Variants in ADAMTSL1 observed in about 807,000 individuals in gnomAD.
ADAMTSL1 encodes the protein ADAMTS-like protein 1.
In ADAMTSL1, 126 loss-of-function variants were observed where a neutral mutation model predicts 201.8. That is an observed-to-expected ratio of 0.62 (90% CI 0.54 to 0.72). ADAMTSL1 has a LOEUF of 0.72. ADAMTSL1 is among the 30% of genes least tolerant of loss of function. ADAMTSL1 has a pLI of 0.00. For missense variants in ADAMTSL1, 2,679 were observed against 2,277.8 expected (o/e 1.18, Z -3.59); for synonymous variants, 1,121 against 903.4 (o/e 1.24, Z -4.32).
At chr9:18,498,635 C>T (rs1321649214) in intron 1 of ADAMTSL1, among the ~76,000 whole-genome samples, 3 of 152,090 alleles carry the variant, frequency 2.0e-5, no homozygotes, top group Non-Finnish European at 2.9e-5. Flanking sequence ...GGCCAATGTT[C>T]CCATTTTACA....
intron 2 of ADAMTSL1, among the ~76,000 whole-genome samples, chr9:18,531,329 C>T (rs998959453): frequency 1.3e-5 from 2 of 152,174 alleles, no homozygotes; most frequent in East Asian, 1.9e-4. Flanking sequence ...GAATAATCAT[C>T]GGTATCAGTA....
chr9:18,170,077 C>A (rs933994489), intron 2 of ADAMTSL1, among the ~76,000 whole-genome samples: 7 of 151,530 alleles, frequency 4.6e-5, no homozygotes, highest in African/African-American at 1.5e-4. Flanking sequence ...TTTGTAAAAT[C>A]TGTTACCCTG....
intron 1 of ADAMTSL1, among the ~76,000 whole-genome samples, chr9:18,129,767 G>C (rs951930806): frequency 1.1e-4 from 16 of 152,188 alleles, no homozygotes; most frequent in African/African-American, 3.6e-4. Context: ...GTAACGCTGA[G>C]AGTCAGAACT....
intron 1 of ADAMTSL1, among the ~76,000 whole-genome samples, chr9:17,977,595 G>A (rs748854324): frequency 6.6e-6 from 1 of 151,920 alleles, no homozygotes; most frequent in Non-Finnish European, 1.5e-5. Context: ...GTTGTTCATA[G>A]TAGTCCCTTA....
chr9:18,361,171 A>T (rs914974072), intron 2 of ADAMTSL1, among the ~76,000 whole-genome samples: 20 of 152,282 alleles, frequency 1.3e-4, no homozygotes, highest in African/African-American at 4.8e-4. Flanking sequence ...ATAGCATGAG[A>T]AAAAACAAAA....
chr9:18,474,851 A>C (rs1429371489), intron 1 of ADAMTSL1, among the ~76,000 whole-genome samples: 1 of 152,230 alleles, frequency 6.6e-6, no homozygotes, highest in Non-Finnish European at 1.5e-5. Flanking sequence ...GCTAGGATTT[A>C]TGAATTGAGG....
chr9:17,928,950 A>G (rs1826665199), intron 1 of ADAMTSL1, among the ~76,000 whole-genome samples: 1 of 152,064 alleles, frequency 6.6e-6, no homozygotes, highest in Non-Finnish European at 1.5e-5. Context: ...CTGCCTGCTA[A>G]TTACACGACT....
chr9:18,101,306 AC>A (rs950906362), intron 1 of ADAMTSL1, among the ~76,000 whole-genome samples: 1 of 151,842 alleles, frequency 6.6e-6, no homozygotes, highest in Non-Finnish European at 1.5e-5. Flanking sequence ...GACCAGCCTG[AC>A]CAACAGGGTG....
At chr9:18,672,489 GTTT>G (rs1449354065) in intron 9 of ADAMTSL1, among the ~76,000 whole-genome samples, 1 of 152,062 alleles carries the variant, frequency 6.6e-6, no homozygotes, top group Non-Finnish European at 1.5e-5. Context: ...ACTGTTGAGA[GTTT>G]TTTATATGTG....
At chr9:18,079,444 C>T (rs1452603074) in intron 1 of ADAMTSL1, among the ~76,000 whole-genome samples, 1 of 151,816 alleles carries the variant, frequency 6.6e-6, no homozygotes, top group East Asian at 1.9e-4. Flanking sequence ...TTTGGGAGGC[C>T]GAGGTGGGCG....
chr9:18,100,657 T>C (rs868375190), intron 1 of ADAMTSL1, among the ~76,000 whole-genome samples: 7 of 152,164 alleles, frequency 4.6e-5, no homozygotes, highest in South Asian at 2.1e-4. Context: ...AAATTTTGAT[T>C]CCACTCCTAG....
intron 26 of ADAMTSL1, among the ~76,000 whole-genome samples, chr9:18,897,003 G>C (rs1046886162): frequency 6.6e-6 from 1 of 152,204 alleles, no homozygotes; most frequent in Non-Finnish European, 1.5e-5. Context: ...CCTGGGGGAG[G>C]GGTAGCCACC....
At chr9:18,674,589 C>T (rs1269762365) in intron 9 of ADAMTSL1, among the ~76,000 whole-genome samples, 1 of 151,900 alleles carries the variant, frequency 6.6e-6, no homozygotes, top group East Asian at 1.9e-4. Flanking sequence ...TTTTATAAAC[C>T]TACTATATCA....
chr9:18,275,195 C>G (rs1832538934), intron 2 of ADAMTSL1, among the ~76,000 whole-genome samples: 1 of 152,054 alleles, frequency 6.6e-6, no homozygotes, highest in Admixed American at 6.6e-5. Context: ...TAGTCATTAC[C>G]TCTAATAATG....
chr9:18,336,606 T>C (rs1331827469), intron 2 of ADAMTSL1, among the ~76,000 whole-genome samples: 1 of 152,152 alleles, frequency 6.6e-6, no homozygotes, highest in East Asian at 1.9e-4. Flanking sequence ...AAATTTTTAA[T>C]GTAGCCTAAG....
At chr9:18,553,247 C>G (rs1285411136) in intron 3 of ADAMTSL1, among the ~76,000 whole-genome samples, 1 of 145,522 alleles carries the variant, frequency 6.9e-6, no homozygotes, top group African/African-American at 2.5e-5. Flanking sequence ...CTTCCCTCTT[C>G]CCTCTACTGG....
At chr9:18,325,031 T>C (rs1433250590) in intron 2 of ADAMTSL1, among the ~76,000 whole-genome samples, 1 of 152,162 alleles carries the variant, frequency 6.6e-6, no homozygotes, top group African/African-American at 2.4e-5. Flanking sequence ...ATGCAAATTA[T>C]AATCACAAGA....
At chr9:18,201,782 A>G (rs1829458037) in intron 2 of ADAMTSL1, among the ~76,000 whole-genome samples, 1 of 152,126 alleles carries the variant, frequency 6.6e-6, no homozygotes, top group South Asian at 2.1e-4. Flanking sequence ...TATTGTTTGT[A>G]TGTCTTTGAA....
intron 2 of ADAMTSL1, among the ~76,000 whole-genome samples, chr9:18,443,328 G>C (rs1034119032): frequency 6.6e-6 from 1 of 152,186 alleles, no homozygotes; most frequent in African/African-American, 2.4e-5. Flanking sequence ...AACCTTTTAT[G>C]ATCTAGCTGA....
Sources: allele counts gnomAD v4.1 joint callset (sites outside exome capture counted in the v4.1 genomes callset), GRCh38; gene constraint gnomAD v4.1.1; transcripts MANE v1.5; gene names NCBI Gene and HGNC (gene_info 2026-07-23, HGNC 2026-07-21).